SSH2: variants seen among roughly 807,000 people sequenced by gnomAD.
The protein encoded by SSH2 is slingshot protein phosphatase 2, also known as protein phosphatase Slingshot homolog 2.
SSH2 carries 37 observed loss-of-function variants against 135.2 expected under a neutral mutation model. The observed-to-expected ratio is 0.27, with a 90% confidence interval of 0.21 to 0.36. SSH2 has a LOEUF of 0.36. SSH2 is among the 10% of genes least tolerant of loss of function. The probability of loss-of-function intolerance (pLI) is 1.00; values close to 1 mark genes in which losing one functional copy is unlikely to be tolerated. For missense variants in SSH2, 1,408 were observed against 1,765.3 expected, an observed-to-expected ratio of 0.80 and a Z score of 3.63; for synonymous variants, 628 against 646.2, an observed-to-expected ratio of 0.97 and a Z score of 0.43.
intron 3 of SSH2, among the ~76,000 whole-genome samples, chr17:29,704,534 T>C (rs1460803156): frequency 6.6e-6 from 1 of 151,820 alleles, no homozygotes; most frequent in African/African-American, 2.4e-5. Context: ...AGACTCCATC[T>C]CTGAAAAAAT....
chr17:29,896,757 T>C (rs182789079), intron 1 of SSH2, among the ~76,000 whole-genome samples: 3 of 151,766 alleles, frequency 2.0e-5, no homozygotes, highest in Non-Finnish European at 4.4e-5. Context: ...TCAACCTATT[T>C]AATATTACAA....
chr17:29,730,299 G>A lies in SSH2; in HGVS notation c.189-27237C>T, dbSNP rs903943171. ...CTCACTCCAGCCTGGGTGACAAAGT[G>A]GGACTCTGTCTAAATATATATATAT... is the stretch of plus-strand genomic sequence containing the variant. On this transcript the variant is annotated intron_variant, in intron 3 of 15. Coordinates refer to ENST00000540801, the MANE Select transcript of SSH2 (RefSeq NM_001282129.2). 8.1e-5 allele frequency among the ~76,000 whole-genome samples: 12 copies of A among 148,828 alleles called. No homozygotes were observed. In the South Asian group the frequency reaches 1.9e-3, roughly 24 times the overall value.
chr17:29,862,335 C>T (rs1825217536), intron 1 of SSH2, among the ~76,000 whole-genome samples: 1 of 152,230 alleles, frequency 6.6e-6, no homozygotes, highest in African/African-American at 2.4e-5. Context: ...ACTTGTACTG[C>T]CAGGGCCTGG....
chr17:29,829,348 C>T (rs572854617), intron 2 of SSH2, among the ~76,000 whole-genome samples: 2 of 152,318 alleles, frequency 1.3e-5, no homozygotes, highest in Admixed American at 6.5e-5. Flanking sequence ...CTTACCACCA[C>T]ACCATAACAC....
At chr17:29,846,442 T>C (rs1439637042) in intron 2 of SSH2, among the ~76,000 whole-genome samples, 2 of 152,238 alleles carry the variant, frequency 1.3e-5, no homozygotes, top group Non-Finnish European at 2.9e-5. Flanking sequence ...TGAGATTTCA[T>C]GTCAGCACTG....
intron 9 of SSH2, among the ~76,000 whole-genome samples, chr17:29,670,355 C>A (rs926419512): frequency 1.3e-5 from 2 of 152,144 alleles, no homozygotes; most frequent in Non-Finnish European, 2.9e-5. Flanking sequence ...GAACCTTTAT[C>A]TTTTCAATTA....
intron 1 of SSH2, among the ~76,000 whole-genome samples, chr17:29,888,816 C>T (rs928301369): frequency 6.8e-6 from 1 of 147,230 alleles, no homozygotes. Flanking sequence ...TGGCACACTC[C>T]TGTAGACCAG....
chr17:29,643,002 G>A (rs978533734), intron 14 of SSH2: 1 of 503,222 alleles, frequency 2.0e-6, no homozygotes, highest in African/African-American at 2.1e-5. Context: ...GGCCTCTTGG[G>A]ATAAAATATA....
chr17:29,799,633 T>G (rs992942215), intron 2 of SSH2, among the ~76,000 whole-genome samples: 1 of 152,190 alleles, frequency 6.6e-6, no homozygotes, highest in Non-Finnish European at 1.5e-5. Flanking sequence ...TTATTTTCAG[T>G]TTTTTGGTGG....
At chr17:29,743,196 G>A (rs1053664456) in intron 3 of SSH2, among the ~76,000 whole-genome samples, 1 of 152,138 alleles carries the variant, frequency 6.6e-6, no homozygotes, top group African/African-American at 2.4e-5. Context: ...GATTACAGGC[G>A]TGACCACCAT....
intron 1 of SSH2, among the ~76,000 whole-genome samples, chr17:29,851,460 C>T (rs952114347): frequency 6.6e-6 from 1 of 151,984 alleles, no homozygotes; most frequent in South Asian, 2.1e-4. Flanking sequence ...GGCATGGTGG[C>T]GGGCACCTGT....
chr17:29,927,640 G>A (rs1478646570), intron 1 of SSH2, among the ~76,000 whole-genome samples: 2 of 152,128 alleles, frequency 1.3e-5, no homozygotes, highest in Non-Finnish European at 2.9e-5. Context: ...AAAATATATG[G>A]AGGTCAGACA....
intron 3 of SSH2, among the ~76,000 whole-genome samples, chr17:29,733,741 G>C (rs1281890089): frequency 1.3e-5 from 2 of 151,768 alleles, no homozygotes; most frequent in African/African-American, 2.4e-5. Context: ...CTTTAAAAAG[G>C]GTCAATTTTG....
At chr17:29,761,840 CATATGTGT>C (rs1238505345) in intron 3 of SSH2, among the ~76,000 whole-genome samples, 4 of 133,872 alleles carry the variant, frequency 3.0e-5, no homozygotes, top group Non-Finnish European at 6.2e-5. Flanking sequence ...CACTCACATA[CATATGTGT>C]GTGTGTGTGT....
chr17:29,831,556 C>T (rs1169405830), intron 2 of SSH2, among the ~76,000 whole-genome samples: 1 of 151,758 alleles, frequency 6.6e-6, no homozygotes, highest in Admixed American at 6.6e-5. Flanking sequence ...CATCTCACTA[C>T]CAGAATGCAA....
chr17:29,771,117 C>G (rs73263640), intron 3 of SSH2, among the ~76,000 whole-genome samples: 39 of 152,296 alleles, frequency 2.6e-4, no homozygotes, highest in Admixed American at 1.2e-3. Flanking sequence ...GTTTATAGTA[C>G]GCTGTGACAC....
At chr17:29,790,729 ATTT>A (rs202130886) in intron 3 of SSH2, among the ~76,000 whole-genome samples, 1 of 140,786 alleles carries the variant, frequency 7.1e-6, no homozygotes, top group African/African-American at 2.6e-5. Flanking sequence ...GTACTGAAAG[ATTT>A]TTTTTTTTTT....
At chr17:29,647,731 C>T (rs1334750850) in intron 14 of SSH2, 1 of 202,910 alleles carries the variant, frequency 4.9e-6, no homozygotes, top group African/African-American at 2.4e-5. Flanking sequence ...GGTACAATCT[C>T]AGCTCACTGC....
intron 2 of SSH2, among the ~76,000 whole-genome samples, chr17:29,798,981 C>T (rs898856557): frequency 2.6e-5 from 4 of 152,030 alleles, no homozygotes; most frequent in Admixed American, 6.6e-5. Flanking sequence ...ATTACATATG[C>T]CTACATTCTT....
Sources: gnomAD v4.1 joint callset for allele counts (sites outside exome capture counted in the v4.1 genomes callset) on GRCh38, gnomAD v4.1.1 for gene constraint, MANE v1.5 for transcripts, NCBI Gene and HGNC (gene_info 2026-07-23, HGNC 2026-07-21) for gene names.